ADSS1: variants seen among roughly 807,000 people sequenced by gnomAD.
The protein encoded by ADSS1 is adenylosuccinate synthetase isozyme 1.
A neutral mutation model predicts 59.1 loss-of-function variants in ADSS1; 57 were observed. The ratio of observed to expected loss-of-function variants is 0.97; its 90% CI spans 0.78 to 1.20. The LOEUF (loss-of-function observed/expected upper bound fraction) is 1.20, where lower values mean the gene tolerates loss of function less well. Among genes scored for constraint, ADSS1 ranks in the 50% most tolerant of loss-of-function variants. ADSS1 has a pLI of 0.00. For missense variants in ADSS1, 603 were observed against 610.3 expected, an observed-to-expected ratio of 0.99 and a Z score of 0.13; for synonymous variants, 247 against 249.4, an observed-to-expected ratio of 0.99 and a Z score of 0.09.
chr14:104,741,374 G>A, intron 8 of ADSS1, 131 bp downstream of exon 8: 1 of 1,244,110 alleles, frequency 8.0e-7, no homozygotes. Context: ...TGCCATCCAT[G>A]CCCGCGGAAA....
In ADSS1 at chr14:104,741,952, G is replaced by A. The variant is rs1183826258; in HGVS notation, c.898G>A (p.Ala300Thr). Residue 300 changes from alanine to threonine, a missense_variant, in exon 9 of 13, where the codon GCC (alanine) becomes ACC (threonine). Physicochemically the swap from Ala to Thr is moderately conservative, Grantham distance 58. Coordinates refer to ENST00000330877, the MANE Select transcript of ADSS1 (RefSeq NM_152328.5). The stretch of plus-strand genomic sequence containing the variant: ...AGGTGACGTGTATGGCGTGGTGAAA[G>A]CCTATACCACACGTGTGGGCATCGG... Reference protein sequence around the residue: ...NIGDVYGVVKAYTTRVGIGAF... With the variant: ...NIGDVYGVVKTYTTRVGIGAF... The A allele has an allele frequency of 6.2e-7, 1 of 1,613,388 alleles. No individual in the cohort carries two copies.
In ADSS1 at chr14:104,740,505, T is replaced by C; in HGVS notation, c.477-96T>C. ...AGACACAGGCAGCAATGGTGGGCACTGGAGTCATGAGCCGGCGGGGGTCAT... is the reference window on the plus strand; with the variant it reads ...AGACACAGGCAGCAATGGTGGGCACCGGAGTCATGAGCCGGCGGGGGTCAT... On this transcript the variant is annotated intron_variant, in intron 5 of 12. Coordinates refer to ENST00000330877, the MANE Select transcript of ADSS1 (RefSeq NM_152328.5). The surrounding 1 kb of genome is among the most constrained non-coding windows in gnomAD (Gnocchi z 4.8). The C allele has an allele frequency of 9.3e-7, 1 of 1,079,396 alleles. No individual in the cohort carries two copies. The highest frequency in any genetic ancestry group is 1.4e-6 in the Non-Finnish European group (1 of 724,532). The allele number at this position is 1,079,396 out of a possible 1,614,324, so 66.9% of individuals were successfully genotyped here. A position where few individuals can be genotyped will look rare whatever the true frequency, so the allele number is the denominator to read the frequency against.
chr14:104,724,508 C>A, intron 1 of ADSS1, 46 bp downstream of exon 1: 1 of 1,227,842 alleles, frequency 8.1e-7, no homozygotes, highest in East Asian at 3.2e-5. Flanking sequence ...CCAGCGAGCC[C>A]CCCTCCCCCG....
At chr14:104,733,426 CCT>C (rs1555377986) in intron 1 of ADSS1, among the ~76,000 whole-genome samples, 1 of 152,214 alleles carries the variant, frequency 6.6e-6, no homozygotes, top group Non-Finnish European at 1.5e-5. Flanking sequence ...ATCTGCCCCC[CCT>C]CTGTCCCCAG....
At chr14:104,742,526 C>T (rs923681527) in intron 9 of ADSS1, among the ~76,000 whole-genome samples, 1 of 152,386 alleles carries the variant, frequency 6.6e-6, no homozygotes, top group Admixed American at 6.5e-5. Context: ...CAGGAGACCC[C>T]AGCCTTCCTC....
In ADSS1 at chr14:104,730,045, C is replaced by A. The variant is rs376435618; in HGVS notation, c.193-4975C>A. ...GTCTCCAGTTACTGAGTGGCCACTC[C>A]GTGCCAGCTCAGCCCACCCCTCACC... On this transcript the variant is annotated intron_variant, in intron 1 of 12. Transcript: ENST00000330877. The A allele has an allele frequency of 8.3e-6, 13 of 1,575,272 alleles. No homozygotes were observed. The highest frequency in any genetic ancestry group is 1.0e-5 in the Non-Finnish European group (12 of 1,160,412).
chr14:104,743,376 G>A, intron 10 of ADSS1, 185 bp downstream of exon 10: 1 of 830,708 alleles, frequency 1.2e-6, no homozygotes, highest in Non-Finnish European at 1.8e-6. Flanking sequence ...TGCAGGGTGT[G>A]TTGGAGCCAG....
At chr14:104,732,558 C>T (rs984099331) in intron 1 of ADSS1, among the ~76,000 whole-genome samples, 2 of 152,194 alleles carry the variant, frequency 1.3e-5, no homozygotes, top group African/African-American at 4.8e-5. Context: ...CACTGGCCTA[C>T]GACAAGCCGC....
chr14:104,734,832 C>G (rs1566796988), intron 1 of ADSS1, among the ~76,000 whole-genome samples, 188 bp from the exon 2 acceptor site: 1 of 152,238 alleles, frequency 6.6e-6, no homozygotes, highest in Non-Finnish European at 1.5e-5. Flanking sequence ...CTGCTGCCCT[C>G]CTTCCAAGGT....
At chr14:104,738,491 G>A (rs375561909) in intron 3 of ADSS1, 53 bp downstream of exon 3, 76 of 1,594,542 alleles carry the variant, frequency 4.8e-5, no homozygotes, top group African/African-American at 3.6e-4. Context: ...TGCCCTGAGC[G>A]GTTGTTGGCT....
intron 9 of ADSS1, 71 bp from the exon 10 acceptor site, chr14:104,742,996 G>A (rs1566802256): frequency 2.5e-6 from 4 of 1,594,766 alleles, no homozygotes; most frequent in Admixed American, 1.7e-5. Flanking sequence ...AGGGAGGAGG[G>A]GGAGCAGCAG....
rs776481922 is a variant in ADSS1 at position 104,746,793 on chromosome 14, A to G, written c.1322-158A>G. The G allele has an allele frequency of 1.2e-5, 9 of 736,586 alleles. No individual in the cohort carries two copies. The African/African-American group carries it at 1.4e-4, about 11-fold the overall frequency. 45.6% of individuals were successfully genotyped at this position (736,586 alleles called of 1,614,324 possible). A position where few individuals can be genotyped will look rare whatever the true frequency, so the allele number is the denominator to read the frequency against. On this transcript the variant is annotated intron_variant, in intron 12 of 12. Transcript: ENST00000330877. ...CGGGAGGATCAGTCCCCCAACATGC[A>G]CTACCTTCATAACTTAAAAATTAGA...
intron 11 of ADSS1, chr14:104,745,277 A>T (rs1891514307): frequency 8.5e-6 from 2 of 235,436 alleles, no homozygotes; most frequent in Non-Finnish European, 1.7e-5. Flanking sequence ...GCTCTGGAAG[A>T]TGTAAAGCTC....
intron 4 of ADSS1, 40 bp downstream of exon 4, chr14:104,739,418 C>T (rs1488998172): frequency 1.0e-5 from 16 of 1,581,624 alleles, no homozygotes; most frequent in Non-Finnish European, 1.4e-5. Flanking sequence ...GCCCCTCCTG[C>T]CCCCACCATT....
At chr14:104,734,966 C>A in intron 1 of ADSS1, 54 bp from the exon 2 acceptor site, 2 of 1,523,076 alleles carry the variant, frequency 1.3e-6, no homozygotes, top group South Asian at 1.1e-5. Context: ...CAGTCCATGT[C>A]CGGGGGGTCC....
Position 104,740,539 on chromosome 14 carries a change from T to G in ADSS1, c.477-62T>G. The G allele has an allele frequency of 6.7e-7, 1 of 1,498,884 alleles. No homozygotes were observed. Among genetic ancestry groups the G allele is most frequent in the Non-Finnish European group, 9.2e-7 (1 of 1,086,928 alleles). The allele number at this position is 1,498,884 out of a possible 1,614,324, so 92.8% of individuals were successfully genotyped here. ...GAGCCGGCGGGGGTCATGGCCTCAG[T>G]GGGATGCCTGAGCTCCTCAGGGCTC... On this transcript the variant is annotated intron_variant, in intron 5 of 12. Transcript: ENST00000330877. This position sits in a 1 kb window ranked among gnomAD's most constrained non-coding sequence, Gnocchi z 4.8.
intron 1 of ADSS1, among the ~76,000 whole-genome samples, chr14:104,734,113 G>A (rs1163579123): frequency 6.6e-6 from 1 of 152,246 alleles, no homozygotes; most frequent in African/African-American, 2.4e-5. Context: ...CAGAGATGCT[G>A]CCTCTTCCTC....
At chr14:104,736,713 T>G (rs1891136947) in intron 2 of ADSS1, among the ~76,000 whole-genome samples, 1 of 151,634 alleles carries the variant, frequency 6.6e-6, no homozygotes, top group Admixed American at 6.6e-5. Flanking sequence ...TATTTGTGTT[T>G]TTTTGTTTTT....
chr14:104,727,798 G>A (rs1214231876), intron 1 of ADSS1, among the ~76,000 whole-genome samples: 1 of 152,200 alleles, frequency 6.6e-6, no homozygotes, highest in African/African-American at 2.4e-5. Flanking sequence ...TACTTCCTCT[G>A]GATAACTGGG....
Sources: allele counts gnomAD v4.1 joint callset (sites outside exome capture counted in the v4.1 genomes callset), GRCh38; gene constraint gnomAD v4.1.1; non-coding constraint Gnocchi (gnomAD v3.1); transcripts MANE v1.5; gene names NCBI Gene and HGNC (gene_info 2026-07-23, HGNC 2026-07-21).